The following RANBP17 variants were observed in gnomAD, a reference collection of about 807,000 sequenced individuals.
RANBP17 encodes ran-binding protein 17.
RANBP17 carries 158 observed loss-of-function variants against 141.2 expected under a neutral mutation model. That is an observed-to-expected ratio of 1.12 (90% CI 0.98 to 1.28). The LOEUF (loss-of-function observed/expected upper bound fraction) is 1.28, where lower values mean the gene tolerates loss of function less well. RANBP17 is among the 50% of genes most tolerant of loss of function. The pLI is 0.00. For missense variants in RANBP17, 1,438 were observed against 1,290.7 expected, an observed-to-expected ratio of 1.11 and a Z score of -1.75; for synonymous variants, 430 against 450.0, an observed-to-expected ratio of 0.96 and a Z score of 0.56.
At chr5:171,064,197 T>G (rs993924591) in intron 14 of RANBP17, among the ~76,000 whole-genome samples, 2 of 152,184 alleles carry the variant, frequency 1.3e-5, no homozygotes, top group Non-Finnish European at 2.9e-5. Context: ...CTGGCACTCC[T>G]TAGTGAGATG....
chr5:171,096,252 C>G (rs1369366762), intron 14 of RANBP17, among the ~76,000 whole-genome samples: 1 of 152,166 alleles, frequency 6.6e-6, no homozygotes, highest in African/African-American at 2.4e-5. Context: ...ATCATCAAAG[C>G]ATTATATACT....
intron 24 of RANBP17, among the ~76,000 whole-genome samples, chr5:171,258,118 T>TAC (rs34304503): frequency 0.061 from 7,835 of 128,182 alleles, 343 homozygotes; most frequent in African/African-American, 0.14. Flanking sequence ...AAAAAAAAAA[T>TAC]ACACACACAC....
At chr5:171,262,081 A>G (rs1411250742) in intron 24 of RANBP17, among the ~76,000 whole-genome samples, 2 of 152,204 alleles carry the variant, frequency 1.3e-5, no homozygotes, top group African/African-American at 4.8e-5. Context: ...CAGCTGACTC[A>G]GTAGATGGGA....
intron 5 of RANBP17, among the ~76,000 whole-genome samples, chr5:170,907,309 T>G (rs971764365): frequency 1.1e-5 from 1 of 91,788 alleles, no homozygotes; most frequent in African/African-American, 2.8e-5. Context: ...GTGCAATCCT[T>G]CGTCTCAAAA....
rs367702801 is a variant in RANBP17 at position 170,981,708 on chromosome 5, T to C, written c.1710+13331T>C. 1.6e-3 allele frequency among the ~76,000 whole-genome samples: 244 copies of C among 152,264 alleles called. 4 individuals carry two copies. The South Asian group carries it at 0.026, about 16-fold the overall frequency. ...TTACCCAGTCTCAGGTATGTCTTTA[T>C]CAGCAACATGAAAACGGACTAATAC... On this transcript the variant is annotated intron_variant, in intron 14 of 27. Coordinates refer to ENST00000523189, the MANE Select transcript of RANBP17 (RefSeq NM_022897.5).
At chr5:171,255,960 CCT>C (rs1302426671) in intron 24 of RANBP17, among the ~76,000 whole-genome samples, 1 of 152,032 alleles carries the variant, frequency 6.6e-6, no homozygotes, top group Non-Finnish European at 1.5e-5. Flanking sequence ...GGAAATTTTA[CCT>C]TTAAAAGATT....
chr5:171,020,602 T>C (rs1462816233), intron 14 of RANBP17, among the ~76,000 whole-genome samples: 1 of 152,056 alleles, frequency 6.6e-6, no homozygotes, highest in African/African-American at 2.4e-5. Context: ...CTGCTTTTTT[T>C]TTTTTCTTGC....
intron 14 of RANBP17, among the ~76,000 whole-genome samples, chr5:171,069,705 C>T (rs1784522269): frequency 6.6e-6 from 1 of 152,064 alleles, no homozygotes; most frequent in African/African-American, 2.4e-5. Flanking sequence ...TTTAAGTGTT[C>T]TGATCACATT....
chr5:171,285,352 G>A (rs888307060), intron 25 of RANBP17, among the ~76,000 whole-genome samples: 2 of 152,216 alleles, frequency 1.3e-5, no homozygotes, highest in African/African-American at 2.4e-5. Context: ...AACCTATGTG[G>A]TAGTCATTCA....
chr5:170,951,182 A>G (rs553532493), intron 12 of RANBP17, among the ~76,000 whole-genome samples: 11 of 152,158 alleles, frequency 7.2e-5, no homozygotes, highest in South Asian at 2.1e-4. Context: ...AACTATAACT[A>G]TAGTTAACAG....
intron 12 of RANBP17, among the ~76,000 whole-genome samples, chr5:170,938,897 A>AT (rs1408420386): frequency 1.3e-5 from 2 of 152,160 alleles, no homozygotes; most frequent in African/African-American, 2.4e-5. Flanking sequence ...AATTCTGAGA[A>AT]TTTTTTTGAC....
rs149881633 is a variant in RANBP17 at position 171,080,062 on chromosome 5, C to T, written c.1711-90068C>T. On this transcript the variant is annotated intron_variant, in intron 14 of 27. Transcript: ENST00000523189. Reference sequence around the variant, plus strand: ...ATAACATTTTTTTTACCCTTCGGATCCACTCATGCCTGGAAGAAAACCTGT... The same window carrying T: ...ATAACATTTTTTTTACCCTTCGGATTCACTCATGCCTGGAAGAAAACCTGT... 2.4e-3 allele frequency among the ~76,000 whole-genome samples: 366 copies of T among 152,120 alleles called. 3 individuals are homozygous for T. Among genetic ancestry groups the T allele is most frequent in the African/African-American group, 8.4e-3 (350 of 41,476 alleles).
At chr5:171,159,115 G>A (rs1759110106) in intron 14 of RANBP17, among the ~76,000 whole-genome samples, 1 of 152,108 alleles carries the variant, frequency 6.6e-6, no homozygotes, top group South Asian at 2.1e-4. Flanking sequence ...ATATCATTTT[G>A]CAGAAATATG....
intron 14 of RANBP17, among the ~76,000 whole-genome samples, chr5:171,124,341 A>G (rs1756269695): frequency 6.6e-6 from 1 of 152,040 alleles, no homozygotes; most frequent in Admixed American, 6.6e-5. Flanking sequence ...TAATGAAGAA[A>G]CCCAGTATAC....
chr5:171,290,449 T>C (rs983540661), intron 25 of RANBP17, among the ~76,000 whole-genome samples: 2 of 152,052 alleles, frequency 1.3e-5, no homozygotes, highest in Non-Finnish European at 2.9e-5. Flanking sequence ...TTTATGCTTG[T>C]GCTTTACATC....
chr5:170,973,545 A>C (rs1049927264), intron 14 of RANBP17, among the ~76,000 whole-genome samples: 16 of 152,230 alleles, frequency 1.1e-4, no homozygotes, highest in African/African-American at 3.6e-4. Context: ...AATACATGTA[A>C]CTTATAGAGA....
At chr5:170,937,071 T>G (rs1019386895) in intron 12 of RANBP17, among the ~76,000 whole-genome samples, 17 of 152,226 alleles carry the variant, frequency 1.1e-4, no homozygotes, top group African/African-American at 4.1e-4. Context: ...TTGTTCCCTT[T>G]TAAAAAATCC....
intron 16 of RANBP17, among the ~76,000 whole-genome samples, chr5:171,174,134 A>G (rs530016079): frequency 6.6e-6 from 1 of 152,292 alleles, no homozygotes; most frequent in African/African-American, 2.4e-5. Flanking sequence ...TTTTTGACAG[A>G]AAGTTAATGT....
chr5:170,938,676 A>C (rs989307632), intron 12 of RANBP17, among the ~76,000 whole-genome samples: 87 of 152,354 alleles, frequency 5.7e-4, no homozygotes, highest in African/African-American at 2.1e-3. Flanking sequence ...TGTGATCTAA[A>C]ATTTCATGGA....
Sources: gnomAD v4.1 joint callset for allele counts (sites outside exome capture counted in the v4.1 genomes callset) on GRCh38, gnomAD v4.1.1 for gene constraint, MANE v1.5 for transcripts, NCBI Gene and HGNC (gene_info 2026-07-23, HGNC 2026-07-21) for gene names.